TGFBRAP1: variants seen among roughly 807,000 people sequenced by gnomAD.
TGFBRAP1 encodes transforming growth factor-beta receptor-associated protein 1.
Under a neutral mutation model 83.2 loss-of-function variants are expected in TGFBRAP1, and 20 were observed. That is an observed-to-expected ratio of 0.24 (90% CI 0.17 to 0.35). The LOEUF is 0.35. Among genes scored for constraint, TGFBRAP1 ranks in the 10% least tolerant of loss-of-function variants. The probability of loss-of-function intolerance (pLI) is 1.00; values close to 1 mark genes in which losing one functional copy is unlikely to be tolerated. For synonymous variants in TGFBRAP1, 415 were observed against 459.8 expected (o/e 0.90, Z 1.25); for missense variants, 950 against 1,099.4 (o/e 0.86, Z 1.92).
chr2:105,261,176 A>G (rs1020228462), downstream of TGFBRAP1, among the ~76,000 whole-genome samples: 1 of 152,166 alleles, frequency 6.6e-6, no homozygotes, highest in African/African-American at 2.4e-5. Flanking sequence ...GAGGGAGGGT[A>G]GGCCAACTGA....
In TGFBRAP1 at chr2:105,280,532, G is replaced by T. The variant is rs780626202; in HGVS notation, c.1313C>A (p.Thr438Lys). 1 of 1,614,158 alleles carries T rather than the reference G, an allele frequency of 6.2e-7. No homozygotes were observed. Among genetic ancestry groups the T allele is most frequent in the Non-Finnish European group, 8.5e-7 (1 of 1,180,040 alleles). Residue 438 changes from threonine to lysine, a missense_variant, in exon 6 of 12, where the codon ACA becomes AAA. Thr to Lys is a moderately conservative substitution (Grantham distance 78). Transcript: ENST00000393359. ...CTCCTTGTAGCCATTTGCTACCTCTGTGCTGCGGACCTCGTTCAGGTAGCT... is the reference window on the plus strand; with the variant it reads ...CTCCTTGTAGCCATTTGCTACCTCTTTGCTGCGGACCTCGTTCAGGTAGCT... ...LMSYLNEVRS[T>K]EVANGYKEDI...
At chr2:105,303,510 C>G (rs1413275033) in intron 2 of TGFBRAP1, among the ~76,000 whole-genome samples, 1 of 152,174 alleles carries the variant, frequency 6.6e-6, no homozygotes, top group Non-Finnish European at 1.5e-5. Flanking sequence ...ACAAGTCCAC[C>G]TGAATAAACT....
intron 4 of TGFBRAP1, among the ~76,000 whole-genome samples, chr2:105,286,909 G>A (rs1465910051): frequency 2.0e-5 from 3 of 152,208 alleles, no homozygotes; most frequent in East Asian, 3.8e-4. Flanking sequence ...CTTCTGGAGA[G>A]AACAGTTCTT....
Position 105,269,361 on chromosome 2 carries a change from C to T in TGFBRAP1, c.2317G>A (p.Ala773Thr), listed in dbSNP as rs779211555. The change falls in exon 11 of 12, where the codon GCC (alanine) becomes ACC (threonine). Residue 773 changes from alanine (A) to threonine (T), a missense_variant. Transcript: ENST00000393359. This position sits in a 1 kb window ranked among gnomAD's most constrained non-coding sequence, Gnocchi z 4.1. ...CTGGCATGGATGCTGTCCCTCATGG[C>T]CCCCATCAGGAATGGGCAGAGGAGC... ...VQLLCPFLMG[A>T]MRDSIHARRT... 1 of 1,613,984 alleles carries T rather than the reference C, an allele frequency of 6.2e-7. No individual in the cohort carries two copies. Among genetic ancestry groups the T allele is most frequent in the South Asian group, 1.1e-5 (1 of 91,052 alleles).
At chr2:105,294,937 C>G (rs1343834579) in intron 4 of TGFBRAP1, among the ~76,000 whole-genome samples, 1 of 152,254 alleles carries the variant, frequency 6.6e-6, no homozygotes, top group Middle Eastern at 3.4e-3. Flanking sequence ...ACACATCCAC[C>G]GAGAGCAGCT....
In TGFBRAP1 at chr2:105,269,157, T is replaced by C. The variant is rs1477832117; in HGVS notation, c.2406+115A>G. ...AGTAGGATCAGATATTGATGTGTTG[T>C]AGTCATAGAGACAGAAAAAAGAAAA... On this transcript the variant is annotated intron_variant, in intron 11 of 11. Coordinates refer to ENST00000393359, the MANE Select transcript of TGFBRAP1 (RefSeq NM_004257.6). The surrounding 1 kb of genome is among the most constrained non-coding windows in gnomAD (Gnocchi z 4.1). The C allele has an allele frequency of 3.1e-6, 4 of 1,275,274 alleles. No homozygotes were observed. Among genetic ancestry groups the C allele is most frequent in the East Asian group, 2.6e-5 (1 of 39,022 alleles). 79.0% of individuals were successfully genotyped at this position (1,275,274 alleles called of 1,614,324 possible).
In TGFBRAP1 at chr2:105,277,664, C is replaced by A; in HGVS notation, c.1471G>T (p.Ala491Ser). The A allele has an allele frequency of 1.2e-6, 2 of 1,614,094 alleles. No homozygotes were observed. The highest frequency in any genetic ancestry group is 1.7e-6 in the Non-Finnish European group (2 of 1,180,006). Reference sequence around the variant, plus strand: ...TTATAATGATAGAGCAGTCCAAGTGCAAAATACCTGAAACAGAACAACACG... The same window carrying A: ...TTATAATGATAGAGCAGTCCAAGTGAAAAATACCTGAAACAGAACAACACG... ...AWLEKHKKYFALGLLYHYNNQ... is the reference protein window; with the variant it reads ...AWLEKHKKYFSLGLLYHYNNQ... Residue 491 changes from alanine (A) to serine (S), a missense_variant, in exon 7 of 12, where the codon GCA becomes TCA. Coordinates refer to ENST00000393359, the MANE Select transcript of TGFBRAP1 (RefSeq NM_004257.6).
At chr2:105,258,238 G>A in the TGFBRAP1 span, among the ~76,000 whole-genome samples, 466 of 152,312 alleles carry the variant, frequency 3.1e-3, 1 homozygote, top group African/African-American at 0.011. Context: ...AGATCCTTCC[G>A]TCTTCCTGGC....
intron 3 of TGFBRAP1, among the ~76,000 whole-genome samples, chr2:105,297,187 T>C (rs1445194340): frequency 6.6e-6 from 1 of 152,222 alleles, no homozygotes; most frequent in Non-Finnish European, 1.5e-5. Flanking sequence ...GGCTCCCTTC[T>C]GCAGAAACTT....
At chr2:105,308,763 T>A (rs1205003846) in intron 1 of TGFBRAP1, among the ~76,000 whole-genome samples, 3 of 147,240 alleles carry the variant, frequency 2.0e-5, no homozygotes, top group Non-Finnish European at 4.5e-5. Flanking sequence ...AGACCCCATT[T>A]AAAAAAAAAA....
chr2:105,316,658 A>G (rs974503554), intron 1 of TGFBRAP1, among the ~76,000 whole-genome samples: 2 of 151,994 alleles, frequency 1.3e-5, no homozygotes, highest in Non-Finnish European at 2.9e-5. Context: ...TACTAAAAAT[A>G]CAAAAATTAG....
chr2:105,263,873 C>T (rs1573530262), downstream of TGFBRAP1, among the ~76,000 whole-genome samples: 1 of 152,110 alleles, frequency 6.6e-6, no homozygotes, highest in South Asian at 2.1e-4. Context: ...GCAACAAGAG[C>T]GAAATTCCAT....
At chr2:105,288,352 G>A (rs114913806) in intron 4 of TGFBRAP1, among the ~76,000 whole-genome samples, 2,723 of 152,202 alleles carry the variant, frequency 0.018, 90 homozygotes, top group African/African-American at 0.062. Context: ...CTGAGCTCTC[G>A]GCTCTCCAGG....
intron 4 of TGFBRAP1, among the ~76,000 whole-genome samples, chr2:105,293,480 C>G (rs1677982176): frequency 6.6e-6 from 1 of 152,150 alleles, no homozygotes; most frequent in South Asian, 2.1e-4. Flanking sequence ...CGAAACCAGC[C>G]CTTGCTTTAA....
intron 1 of TGFBRAP1, among the ~76,000 whole-genome samples, chr2:105,315,672 G>A (rs959977205): frequency 2.0e-5 from 3 of 152,096 alleles, no homozygotes; most frequent in Non-Finnish European, 2.9e-5. Flanking sequence ...ACACCTACTA[G>A]AAGAGCTACC....
the TGFBRAP1 span, among the ~76,000 whole-genome samples, chr2:105,256,414 C>T: frequency 6.0e-4 from 91 of 152,228 alleles, no homozygotes; most frequent in African/African-American, 2.0e-3. Flanking sequence ...CACTTTTCCC[C>T]GACTTAAGGC....
chr2:105,294,282 T>C lies in TGFBRAP1; in HGVS notation c.1038+2074A>G, dbSNP rs1490399677. On this transcript the variant is annotated intron_variant, in intron 4 of 11. Transcript: ENST00000393359. ...CCCTTTGAGGCAGAAATGTAGAATG[T>C]AGGCATGTGCTTCATAGGAGTGAGG... Among the ~76,000 whole-genome samples the C allele has an allele frequency of 2.6e-5, 4 of 151,442 alleles. No homozygotes were observed. The East Asian group carries it at 7.8e-4, about 30-fold the overall frequency.
rs1417144339 is a variant in TGFBRAP1, at chr2:105,266,454, G to A, written c.*929C>T. 1.3e-5 allele frequency: 2 copies of A among 152,238 alleles called. No homozygotes were observed. Among genetic ancestry groups the A allele is most frequent in the Non-Finnish European group, 2.9e-5 (2 of 68,040 alleles). 9.4% of individuals were successfully genotyped at this position (152,238 alleles called of 1,614,324 possible). A position where few individuals can be genotyped will look rare whatever the true frequency, so the allele number is the denominator to read the frequency against. On this transcript the variant is annotated 3_prime_UTR_variant, in exon 12 of 12. Transcript: ENST00000393359. ...AATACCCCTAACAAACAGGACAGAT[G>A]ACTCTCTCAACAAGAGAGCAACTAC...
intron 1 of TGFBRAP1, among the ~76,000 whole-genome samples, chr2:105,315,268 C>A (rs756324018): frequency 6.6e-6 from 1 of 152,108 alleles, no homozygotes; most frequent in Non-Finnish European, 1.5e-5. Context: ...GGCTTTTCTG[C>A]AGAAATTGAA....
Sources: gnomAD v4.1 joint callset for allele counts (sites outside exome capture counted in the v4.1 genomes callset) on GRCh38, gnomAD v4.1.1 for gene constraint, Gnocchi (gnomAD v3.1) non-coding constraint, MANE v1.5 for transcripts, NCBI Gene and HGNC (gene_info 2026-07-23, HGNC 2026-07-21) for gene names.